Variants in LEPR observed in about 807,000 individuals in gnomAD.
The protein encoded by LEPR is OB receptor.
In LEPR, 56 loss-of-function variants were observed where a neutral mutation model predicts 114.7. The ratio of observed to expected loss-of-function variants is 0.49; its 90% CI spans 0.39 to 0.61. The LOEUF (loss-of-function observed/expected upper bound fraction) is 0.61, where lower values mean the gene tolerates loss of function less well. LEPR is among the 20% of genes least tolerant of loss of function. The pLI is 0.00. For synonymous variants in LEPR, 443 were observed against 461.4 expected, an observed-to-expected ratio of 0.96 and a Z score of 0.51; for missense variants, 1,202 against 1,352.9, an observed-to-expected ratio of 0.89 and a Z score of 1.75.
At chr1:65,541,481 A>G (rs1316685253) in intron 2 of LEPR, among the ~76,000 whole-genome samples, 2 of 152,130 alleles carry the variant, frequency 1.3e-5, no homozygotes, top group Admixed American at 1.3e-4. Flanking sequence ...TATGTTTTCC[A>G]AGTGACAAAT....
At chr1:65,545,866 A>T (rs890891702) in intron 2 of LEPR, among the ~76,000 whole-genome samples, 9 of 151,300 alleles carry the variant, frequency 5.9e-5, no homozygotes, top group South Asian at 2.1e-4. Context: ...GGTGTTTTAG[A>T]CATGAAGTCC....
chr1:65,551,652 T>C (rs1170175159), intron 2 of LEPR, among the ~76,000 whole-genome samples: 1 of 152,078 alleles, frequency 6.6e-6, no homozygotes, highest in Non-Finnish European at 1.5e-5. Flanking sequence ...TTTTCAAAAA[T>C]CCAGCTCCTG....
chr1:65,633,308 G>A lies in LEPR; in HGVS notation c.2674-2883G>A. On this transcript the variant is annotated intron_variant, in intron 19 of 19. Coordinates refer to ENST00000349533, the MANE Select transcript of LEPR (RefSeq NM_002303.6). The surrounding 1 kb of genome is among the most constrained non-coding windows in gnomAD (Gnocchi z 4.1). ...GTTGAACTTCTGAGAGTTAACATAT[G>A]GTGGATTATGTTGATTTAGAACTTA... The A allele has an allele frequency of 6.8e-7, 1 of 1,469,640 alleles. No individual in the cohort carries two copies. Among genetic ancestry groups the A allele is most frequent in the Non-Finnish European group, 9.0e-7 (1 of 1,113,404 alleles). 91.0% of individuals were successfully genotyped at this position (1,469,640 alleles called of 1,614,324 possible). A position where few individuals can be genotyped will look rare whatever the true frequency, so the allele number is the denominator to read the frequency against.
intron 2 of LEPR, among the ~76,000 whole-genome samples, chr1:65,541,182 A>C (rs1312851618): frequency 1.3e-5 from 2 of 152,230 alleles, no homozygotes; most frequent in Admixed American, 6.5e-5. Flanking sequence ...ACATGTAAAA[A>C]AATTAATAAA....
intron 2 of LEPR, among the ~76,000 whole-genome samples, chr1:65,463,719 T>A (rs1308140928): frequency 4.6e-5 from 7 of 152,220 alleles, no homozygotes; most frequent in African/African-American, 1.7e-4. Flanking sequence ...TTTGTAGTTC[T>A]CCTTGAAGAG....
intron 8 of LEPR, among the ~76,000 whole-genome samples, chr1:65,601,168 T>C (rs148715339): frequency 3.3e-5 from 5 of 152,164 alleles, no homozygotes; most frequent in African/African-American, 1.2e-4. Flanking sequence ...TAGAAGATAG[T>C]AAAGACATTC....
intron 6 of LEPR, among the ~76,000 whole-genome samples, chr1:65,594,092 A>G (rs1018309720): frequency 2.8e-4 from 43 of 152,020 alleles, no homozygotes; most frequent in Non-Finnish European, 5.3e-4. Context: ...ATGTTCCATG[A>G]AAAAAATAAA....
intron 11 of LEPR, among the ~76,000 whole-genome samples, chr1:65,606,309 T>C (rs1321654606): frequency 6.6e-6 from 1 of 152,148 alleles, no homozygotes; most frequent in Non-Finnish European, 1.5e-5. Context: ...CATGCACAGA[T>C]AATAACACAC....
chr1:65,431,127 A>G (rs549818788), intron 2 of LEPR, among the ~76,000 whole-genome samples: 14 of 152,328 alleles, frequency 9.2e-5, no homozygotes, highest in African/African-American at 3.1e-4. Flanking sequence ...AGGTTTTTGA[A>G]TACAACAAGA....
At chr1:65,432,566 T>TAAA in intron 2 of LEPR, 39 of 882,260 alleles carry the variant, frequency 4.4e-5, no homozygotes, top group Non-Finnish European at 5.1e-5. Flanking sequence ...CTCATTTGTT[T>TAAA]AAAAAAAAAA....
chr1:65,619,846 TTTAA>T, intron 16 of LEPR, 78 bp from the exon 17 acceptor site: 1 of 1,089,270 alleles, frequency 9.2e-7, no homozygotes, highest in South Asian at 1.3e-5. Flanking sequence ...TGATAGTCAC[TTTAA>T]TTCTTTTTTA....
chr1:65,446,715 A>G (rs779161596), intron 2 of LEPR, among the ~76,000 whole-genome samples: 10 of 152,160 alleles, frequency 6.6e-5, no homozygotes, highest in Non-Finnish European at 7.4e-5. Flanking sequence ...TATCCAGTGC[A>G]TGGCTGGTCT....
chr1:65,564,686 C>T lies in LEPR; in HGVS notation c.-20-860C>T, dbSNP rs150962588. Among the ~76,000 whole-genome samples, 526 of 152,202 alleles carry T rather than the reference C, an allele frequency of 3.5e-3. 2 individuals carry two copies. Among genetic ancestry groups the T allele is most frequent in the Admixed American group, 4.5e-3 (69 of 15,286 alleles). ...CAGCTCTGAAAGGGGTTGTAGAGAC[C>T]ATCTAACAGTCTGATTTGTAGATGA... On this transcript the variant is annotated intron_variant, in intron 2 of 19. Coordinates refer to ENST00000349533, the MANE Select transcript of LEPR (RefSeq NM_002303.6).
chr1:65,568,435 T>C (rs1653920917), intron 3 of LEPR, among the ~76,000 whole-genome samples: 1 of 152,156 alleles, frequency 6.6e-6, no homozygotes, highest in Non-Finnish European at 1.5e-5. Flanking sequence ...TTTAGCTCCA[T>C]CCACGTTGTT....
intron 2 of LEPR, among the ~76,000 whole-genome samples, chr1:65,514,372 G>A (rs1649180280): frequency 1.3e-5 from 2 of 152,198 alleles, no homozygotes; most frequent in South Asian, 4.1e-4. Flanking sequence ...AGGCCTGTAG[G>A]AGCATCTGAA....
chr1:65,535,350 C>G (rs2100638503), intron 2 of LEPR, among the ~76,000 whole-genome samples: 1 of 150,368 alleles, frequency 6.7e-6, no homozygotes, highest in South Asian at 2.1e-4. Flanking sequence ...CACTGCTAGT[C>G]ATAGGTCTGA....
intron 2 of LEPR, among the ~76,000 whole-genome samples, chr1:65,547,662 A>G (rs1440749927): frequency 2.0e-5 from 3 of 150,630 alleles, no homozygotes; most frequent in Non-Finnish European, 3.0e-5. Flanking sequence ...TATCCCCTTT[A>G]TCATTTTTTA....
Position 65,596,517 on chromosome 1 carries a change from C to T in LEPR, c.773C>T (p.Ser258Phe), listed in dbSNP as rs1656074817. ...GATGGTAATTTAAAGATTTCTTGGT[C>T]CAGCCCACCATTGGTACCATTTCCA... is the stretch of plus-strand genomic sequence containing the variant. Reference protein sequence around the residue: ...TDDGNLKISWSSPPLVPFPLQ... With the variant: ...TDDGNLKISWFSPPLVPFPLQ... Residue 258 changes from serine to phenylalanine, a missense_variant, in exon 7 of 20, where the codon TCC becomes TTC. Coordinates refer to ENST00000349533, the MANE Select transcript of LEPR (RefSeq NM_002303.6). 3 of 1,612,730 alleles carry T rather than the reference C, an allele frequency of 1.9e-6. No homozygotes were observed. The highest frequency in any genetic ancestry group is 2.5e-6 in the Non-Finnish European group (3 of 1,179,214).
At chr1:65,616,458 T>C (rs1192775960) in intron 15 of LEPR, among the ~76,000 whole-genome samples, 1 of 152,158 alleles carries the variant, frequency 6.6e-6, no homozygotes, top group African/African-American at 2.4e-5. Flanking sequence ...TGTTATAATA[T>C]ATGAGAATGT....
Sources: gnomAD v4.1 joint callset for allele counts (sites outside exome capture counted in the v4.1 genomes callset) on GRCh38, gnomAD v4.1.1 for gene constraint, Gnocchi (gnomAD v3.1) non-coding constraint, MANE v1.5 for transcripts, NCBI Gene and HGNC (gene_info 2026-07-23, HGNC 2026-07-21) for gene names.